The following EPHB2 variants were observed in gnomAD, a reference collection of about 807,000 sequenced individuals.
EPHB2 encodes ephrin type-B receptor 2.
Under a neutral mutation model 96.4 loss-of-function variants are expected in EPHB2, and 18 were observed. That is an observed-to-expected ratio of 0.19 (90% confidence interval 0.13 to 0.28). EPHB2 has a LOEUF of 0.28. Ranked by LOEUF, EPHB2 falls within the 10% of genes least tolerant of loss-of-function variation. The pLI, the probability that EPHB2 is intolerant of heterozygous loss-of-function variation, is 1.00. For missense variants in EPHB2, 989 were observed against 1,355.4 expected (o/e 0.73, Z 4.25); for synonymous variants, 506 against 534.1 (o/e 0.95, Z 0.72).
chr1:22,865,334 C>A, intron 5 of EPHB2, 122 bp downstream of exon 5: 1 of 1,172,184 alleles, frequency 8.5e-7, no homozygotes, highest in Non-Finnish European at 1.3e-6. Context: ...AAAGGCTTTT[C>A]ATGTGATCGG....
intron 1 of EPHB2, among the ~76,000 whole-genome samples, chr1:22,743,294 C>G (rs1386900181): frequency 1.3e-5 from 2 of 152,128 alleles, no homozygotes; most frequent in Non-Finnish European, 2.9e-5. Context: ...TGATGCCGCC[C>G]GTACACCTGA....
chr1:22,716,219 G>GA (rs1202336641), intron 1 of EPHB2, among the ~76,000 whole-genome samples: 4 of 152,210 alleles, frequency 2.6e-5, no homozygotes, highest in African/African-American at 9.7e-5. Context: ...AAGTCCTGGG[G>GA]ATCTTTGTTC....
intron 3 of EPHB2, among the ~76,000 whole-genome samples, chr1:22,838,238 T>G (rs1367070761): frequency 1.3e-5 from 2 of 152,146 alleles, no homozygotes; most frequent in Non-Finnish European, 2.9e-5. Flanking sequence ...CCAGTGAAGC[T>G]CAAGTGCAAT....
In EPHB2 at chr1:22,896,427, C is replaced by A; in HGVS notation, c.1714C>A (p.Arg572Ser). 2 of 1,614,118 alleles carry A rather than the reference C, an allele frequency of 1.2e-6. No individual in the cohort carries two copies. The change falls in exon 9 of 16, where the codon CGT becomes AGT. Residue 572 changes from arginine to serine, a missense_variant. Arg to Ser is a moderately radical substitution (Grantham distance 110). Coordinates refer to ENST00000374630, the MANE Select transcript of EPHB2 (RefSeq NM_017449.5). The stretch of plus-strand genomic sequence containing the variant: ...TTGTTCCAGAAGACGGGGGTTTGAG[C>A]GTGCTGACTCGGAGTACACGGACAA... ...AIVCNRRGFE[R>S]ADSEYTDKLQ...
chr1:22,767,463 C>G (rs1421772533), intron 1 of EPHB2, among the ~76,000 whole-genome samples: 1 of 152,226 alleles, frequency 6.6e-6, no homozygotes, highest in African/African-American at 2.4e-5. Flanking sequence ...CTTACTTGTT[C>G]TCTCTGTGCC....
At chr1:22,768,761 C>A (rs528265865) in intron 1 of EPHB2, among the ~76,000 whole-genome samples, 1 of 138,528 alleles carries the variant, frequency 7.2e-6, no homozygotes, top group African/African-American at 2.7e-5. Context: ...CCTTCTCCCT[C>A]CTGCAGGTTC....
At chr1:22,803,171 T>C (rs564991326) in intron 3 of EPHB2, among the ~76,000 whole-genome samples, 72 of 152,284 alleles carry the variant, frequency 4.7e-4, no homozygotes, top group Middle Eastern at 3.4e-3. Context: ...GGGCATCTCC[T>C]GTCCCTCAAA....
intron 1 of EPHB2, among the ~76,000 whole-genome samples, chr1:22,719,968 T>C (rs767678266): frequency 6.6e-6 from 1 of 152,172 alleles, no homozygotes; most frequent in Non-Finnish European, 1.5e-5. Context: ...GGGTTGTCAG[T>C]TGGGATCACT....
At chr1:22,829,861 C>T (rs1035058424) in intron 3 of EPHB2, among the ~76,000 whole-genome samples, 2 of 152,152 alleles carry the variant, frequency 1.3e-5, no homozygotes, top group African/African-American at 4.8e-5. Context: ...GCCCAGGAGA[C>T]AGCCGCATGT....
At chr1:22,775,035 C>A in intron 1 of EPHB2, 1 of 653,662 alleles carries the variant, frequency 1.5e-6, no homozygotes, top group Non-Finnish European at 2.8e-6. Context: ...ATGTCCCACT[C>A]CCCTGCTGCC....
At chr1:22,849,811 C>G (rs1328581736) in intron 3 of EPHB2, among the ~76,000 whole-genome samples, 1 of 152,204 alleles carries the variant, frequency 6.6e-6, no homozygotes, top group Non-Finnish European at 1.5e-5. Context: ...TCACTTTCTC[C>G]ACTGGCCTGG....
chr1:22,738,117 G>A (rs1643865913), intron 1 of EPHB2, among the ~76,000 whole-genome samples: 1 of 152,186 alleles, frequency 6.6e-6, no homozygotes, highest in Non-Finnish European at 1.5e-5. Flanking sequence ...TCCACTTAGG[G>A]GCTGGATGGA....
chr1:22,785,662 G>T (rs1483547827), intron 3 of EPHB2, among the ~76,000 whole-genome samples: 1 of 152,098 alleles, frequency 6.6e-6, no homozygotes, highest in Non-Finnish European at 1.5e-5. Flanking sequence ...GTGGCAGTTG[G>T]AATACTGGCT....
intron 9 of EPHB2, among the ~76,000 whole-genome samples, chr1:22,898,939 C>G (rs1043805383): frequency 6.6e-6 from 1 of 152,070 alleles, no homozygotes; most frequent in Non-Finnish European, 1.5e-5. Flanking sequence ...TGGCCAGGCA[C>G]GGTGGCTCAC....
chr1:22,861,256 GC>G (rs1638243651), intron 3 of EPHB2, among the ~76,000 whole-genome samples: 1 of 152,218 alleles, frequency 6.6e-6, no homozygotes, highest in Admixed American at 6.5e-5. Context: ...TTTGCCAGCA[GC>G]CTGCACACTA....
chr1:22,908,233 T>G, intron 12 of EPHB2, 65 bp downstream of exon 12: 1 of 1,583,708 alleles, frequency 6.3e-7, no homozygotes, highest in Admixed American at 1.7e-5. Flanking sequence ...TGTCCATCTC[T>G]CCCTGCAAGA....
intron 1 of EPHB2, among the ~76,000 whole-genome samples, chr1:22,755,814 C>CTAT (rs970017181): frequency 2.6e-5 from 4 of 151,804 alleles, no homozygotes; most frequent in South Asian, 2.1e-4. Flanking sequence ...GCCAGTCATA[C>CTAT]TATTATTATT....
chr1:22,854,122 G>C (rs1023622493), intron 3 of EPHB2, among the ~76,000 whole-genome samples: 6 of 152,306 alleles, frequency 3.9e-5, no homozygotes, highest in Admixed American at 3.3e-4. Context: ...GAAGGGGGAA[G>C]ATGGAGGAAG....
chr1:22,896,298 C>G (rs1639559384), intron 8 of EPHB2, 116 bp from the exon 9 acceptor site: 11 of 1,330,812 alleles, frequency 8.3e-6, no homozygotes, highest in Non-Finnish European at 1.2e-5. Context: ...GGCAGGGAGC[C>G]CTCTGGCAGG....
Sources: gnomAD v4.1 joint callset for allele counts (sites outside exome capture counted in the v4.1 genomes callset) on GRCh38, gnomAD v4.1.1 for gene constraint, MANE v1.5 for transcripts, NCBI Gene and HGNC (gene_info 2026-07-23, HGNC 2026-07-21) for gene names.